Variants in FRS2 observed in about 807,000 individuals in gnomAD.
FRS2 encodes FGFR signalling adaptor.
Under a neutral mutation model 43.9 loss-of-function variants are expected in FRS2, and 8 were observed. The ratio of observed to expected loss-of-function variants is 0.18; its 90% CI spans 0.11 to 0.33. The LOEUF (loss-of-function observed/expected upper bound fraction) is 0.33, where lower values mean the gene tolerates loss of function less well. Ranked by LOEUF, FRS2 falls within the 10% of genes least tolerant of loss-of-function variation. The pLI is 1.00. For missense variants in FRS2, 534 were observed against 627.6 expected (o/e 0.85, Z 1.59); for synonymous variants, 219 against 220.3 (o/e 0.99, Z 0.05).
chr12:69,533,014 T>C (rs772850911), intron 3 of FRS2, among the ~76,000 whole-genome samples: 30 of 152,338 alleles, frequency 2.0e-4, no homozygotes, highest in Non-Finnish European at 3.4e-4. Context: ...GAATAGATAG[T>C]ATTCTCATTT....
At chr12:69,566,944 C>T (rs1297281273) in intron 4 of FRS2, among the ~76,000 whole-genome samples, 1 of 152,178 alleles carries the variant, frequency 6.6e-6, no homozygotes, top group Non-Finnish European at 1.5e-5. Flanking sequence ...CTCACTTTCT[C>T]CTGAATGTGG....
chr12:69,561,495 T>G (rs558722291), intron 3 of FRS2, among the ~76,000 whole-genome samples: 10 of 152,286 alleles, frequency 6.6e-5, no homozygotes, highest in African/African-American at 2.2e-4. Flanking sequence ...GTGTCCCTGT[T>G]TGAGTGAGTT....
At chr12:69,489,556 G>A (rs1295703739) in intron 1 of FRS2, among the ~76,000 whole-genome samples, 2 of 151,818 alleles carry the variant, frequency 1.3e-5, no homozygotes, top group East Asian at 3.9e-4. Context: ...TGTAGTCCCA[G>A]CTACTCAGGA....
chr12:69,538,764 A>T (rs11177708), intron 3 of FRS2, among the ~76,000 whole-genome samples: 1 of 151,624 alleles, frequency 6.6e-6, no homozygotes, highest in Non-Finnish European at 1.5e-5. Context: ...AGGTTCCCTT[A>T]TATTATTCAG....
chr12:69,485,734 C>T (rs967165353), intron 1 of FRS2, among the ~76,000 whole-genome samples: 1 of 152,192 alleles, frequency 6.6e-6, no homozygotes. Context: ...TCCCAAAGTG[C>T]TGGGATTACA....
chr12:69,475,507 A>T (rs1870682642), intron 1 of FRS2, among the ~76,000 whole-genome samples: 1 of 152,154 alleles, frequency 6.6e-6, no homozygotes, highest in South Asian at 2.1e-4. Context: ...GCTGTCTTGG[A>T]AATTCCTTGG....
chr12:69,486,045 T>G (rs775560442), intron 1 of FRS2, among the ~76,000 whole-genome samples: 1 of 152,218 alleles, frequency 6.6e-6, no homozygotes, highest in Non-Finnish European at 1.5e-5. Flanking sequence ...TGCATTGCCT[T>G]TTTTGGCATA....
At chr12:69,516,558 T>C (rs1204960486) in intron 1 of FRS2, among the ~76,000 whole-genome samples, 2 of 152,134 alleles carry the variant, frequency 1.3e-5, no homozygotes, top group Non-Finnish European at 2.9e-5. Context: ...CACATGCTCT[T>C]GTAGACCGTC....
chr12:69,516,496 G>A (rs1875057077), intron 1 of FRS2, among the ~76,000 whole-genome samples: 1 of 152,166 alleles, frequency 6.6e-6, no homozygotes, highest in Admixed American at 6.5e-5. Context: ...GGGATTACAG[G>A]CGTGAGCCAC....
rs1166365306 is a variant in FRS2 at position 69,527,343 on chromosome 12, A to ATT, written c.-260-3502_-260-3501dup. ...GAGCAAAGTTTTTTTTTTTTTAATG[A>ATT]TTTTTTTTTTTTTTTTTTTTTAAAG... On this transcript the variant is annotated intron_variant, in intron 1 of 8. Coordinates refer to ENST00000549921, the MANE Select transcript of FRS2 (RefSeq NM_001278356.2). 1.1e-3 allele frequency among the ~76,000 whole-genome samples: 92 copies of ATT among 84,224 alleles called. 4 individuals carry two copies. The highest frequency in any genetic ancestry group is 2.0e-3 in the African/African-American group (41 of 20,038). 55.3% of individuals were successfully genotyped at this position (84,224 alleles called of 152,430 possible).
chr12:69,489,618 T>A lies in FRS2; in HGVS notation c.-261+19088T>A, dbSNP rs562881236. ...CCAGGAGGCGGAAATTGCAGTGAGC[T>A]GAGACCATGCCACTGCACTCCAGCC... On this transcript the variant is annotated intron_variant, in intron 1 of 8. Coordinates refer to ENST00000549921, the MANE Select transcript of FRS2 (RefSeq NM_001278356.2). 5.0e-3 allele frequency among the ~76,000 whole-genome samples: 744 copies of A among 148,412 alleles called. 5 individuals carry two copies. Among genetic ancestry groups the A allele is most frequent in the African/African-American group, 0.018 (705 of 40,126 alleles).
intron 4 of FRS2, among the ~76,000 whole-genome samples, chr12:69,565,173 T>C (rs1465363356): frequency 6.6e-6 from 1 of 152,270 alleles, no homozygotes; most frequent in African/African-American, 2.4e-5. Flanking sequence ...TAGGCAGTTG[T>C]AACACAATGG....
intron 1 of FRS2, among the ~76,000 whole-genome samples, chr12:69,486,679 G>A (rs1858683048): frequency 6.6e-6 from 1 of 152,210 alleles, no homozygotes; most frequent in Non-Finnish European, 1.5e-5. Context: ...AAATGCAAAG[G>A]AAAAGTTCTT....
intron 1 of FRS2, among the ~76,000 whole-genome samples, chr12:69,524,286 C>T (rs532619329): frequency 3.2e-4 from 48 of 152,048 alleles, no homozygotes; most frequent in African/African-American, 1.1e-3. Context: ...GTGCAGACAC[C>T]CTGGCTGGGA....
intron 3 of FRS2, among the ~76,000 whole-genome samples, chr12:69,534,772 A>T (rs539619279): frequency 6.6e-6 from 1 of 152,280 alleles, no homozygotes; most frequent in African/African-American, 2.4e-5. Context: ...TTTTGTTTTC[A>T]TGTAAGCCAC....
rs904543075 is a variant in FRS2, at chr12:69,496,985, G to A, written c.-261+26455G>A. ...AATGTATGAAAGAGGAAATGAGGAA[G>A]CAAAGATATAAAATGGATGATATTA... On this transcript the variant is annotated intron_variant, in intron 1 of 8. Transcript: ENST00000549921. 4.6e-5 allele frequency among the ~76,000 whole-genome samples: 7 copies of A among 152,306 alleles called. No individual in the cohort carries two copies. In the East Asian group the frequency reaches 9.6e-4, roughly 21 times the overall value.
At chr12:69,478,374 T>C (rs1871032184) in intron 1 of FRS2, among the ~76,000 whole-genome samples, 1 of 152,134 alleles carries the variant, frequency 6.6e-6, no homozygotes, top group Admixed American at 6.5e-5. Context: ...AAAATATATC[T>C]AGTGTTATAG....
At chr12:69,511,959 A>G (rs556247845) in intron 1 of FRS2, among the ~76,000 whole-genome samples, 1 of 152,306 alleles carries the variant, frequency 6.6e-6, no homozygotes, top group Non-Finnish European at 1.5e-5. Flanking sequence ...AGTCTCAACC[A>G]GGGATGACAG....
chr12:69,499,133 C>T (rs1209204890), intron 1 of FRS2, among the ~76,000 whole-genome samples: 1 of 151,822 alleles, frequency 6.6e-6, no homozygotes, highest in Non-Finnish European at 1.5e-5. Flanking sequence ...GCAGAGTAGG[C>T]AACTCTTATG....
Sources: allele counts gnomAD v4.1 joint callset (sites outside exome capture counted in the v4.1 genomes callset), GRCh38; gene constraint gnomAD v4.1.1; transcripts MANE v1.5; gene names NCBI Gene and HGNC (gene_info 2026-07-23, HGNC 2026-07-21).